The following GABRB1 variants were observed in gnomAD, a reference collection of about 807,000 sequenced individuals.
GABRB1 encodes gamma-aminobutyric acid type A receptor subunit beta1.
A neutral mutation model predicts 51.6 loss-of-function variants in GABRB1; 17 were observed. That is an observed-to-expected ratio of 0.33 (90% confidence interval 0.23 to 0.49). The LOEUF is 0.49. Among genes scored for constraint, GABRB1 ranks in the 20% least tolerant of loss-of-function variants. GABRB1 has a pLI of 0.99. For synonymous variants in GABRB1, 247 were observed against 218.9 expected, an observed-to-expected ratio of 1.13 and a Z score of -1.14; for missense variants, 410 against 600.6, an observed-to-expected ratio of 0.68 and a Z score of 3.32.
chr4:47,177,959 G>A (rs1718770522), intron 4 of GABRB1, among the ~76,000 whole-genome samples: 1 of 151,920 alleles, frequency 6.6e-6, no homozygotes, highest in African/African-American at 2.4e-5. Context: ...GGTTCCGAGT[G>A]TGAGGCTGAT....
At chr4:47,290,689 G>C (rs1372153872) in intron 4 of GABRB1, among the ~76,000 whole-genome samples, 1 of 152,094 alleles carries the variant, frequency 6.6e-6, no homozygotes, top group Non-Finnish European at 1.5e-5. Context: ...TACTTTTTGG[G>C]AACTGGATAA....
At chr4:47,302,417 A>G (rs1296768660) in intron 4 of GABRB1, among the ~76,000 whole-genome samples, 4 of 152,012 alleles carry the variant, frequency 2.6e-5, no homozygotes, top group African/African-American at 7.2e-5. Flanking sequence ...TAAGTTCGGC[A>G]TATTTCTGAA....
At chr4:47,113,468 A>G (rs904548692) in intron 3 of GABRB1, among the ~76,000 whole-genome samples, 1 of 152,210 alleles carries the variant, frequency 6.6e-6, no homozygotes, top group African/African-American at 2.4e-5. Flanking sequence ...ATACAGAACC[A>G]TATGTTAAAC....
intron 4 of GABRB1, among the ~76,000 whole-genome samples, chr4:47,209,598 A>G (rs1231624026): frequency 5.9e-5 from 9 of 152,038 alleles, no homozygotes; most frequent in Non-Finnish European, 1.0e-4. Context: ...GTCTCCCCTA[A>G]TAAGCTATGA....
At chr4:47,324,495 C>A (rs1725183126) in intron 5 of GABRB1, among the ~76,000 whole-genome samples, 1 of 152,164 alleles carries the variant, frequency 6.6e-6, no homozygotes, top group African/African-American at 2.4e-5. Context: ...TTCCTAATCT[C>A]TCTTTCTTTT....
intron 4 of GABRB1, among the ~76,000 whole-genome samples, chr4:47,208,963 G>C (rs1360346119): frequency 6.6e-6 from 1 of 151,858 alleles, no homozygotes; most frequent in African/African-American, 2.4e-5. Flanking sequence ...GAATTGACTT[G>C]ATATTAAAAT....
chr4:47,220,995 C>G (rs143022154), intron 4 of GABRB1, among the ~76,000 whole-genome samples: 1 of 151,980 alleles, frequency 6.6e-6, no homozygotes, highest in Non-Finnish European at 1.5e-5. Context: ...ACGTTACCAC[C>G]TTTGATGTAA....
In GABRB1 at chr4:47,350,202, T is replaced by TAGAGAG. The variant is rs1235374897; in HGVS notation, c.544+29994_544+29995insGAGAGA. ...CTCAGATTATATATATATATATATA[T>TAGAGAG]ATATATATATATATATAGAGAGAGA... On this transcript the variant is annotated intron_variant, in intron 5 of 8. Transcript: ENST00000295454. Among the ~76,000 whole-genome samples, 23 of 92,508 alleles carry TAGAGAG rather than the reference T, an allele frequency of 2.5e-4. No individual in the cohort carries two copies. In the South Asian group the frequency reaches 2.8e-3, roughly 11 times the overall value. 60.7% of individuals were successfully genotyped at this position (92,508 alleles called of 152,430 possible).
chr4:47,294,743 G>A (rs2109927832), intron 4 of GABRB1, among the ~76,000 whole-genome samples: 2 of 152,370 alleles, frequency 1.3e-5, no homozygotes, highest in Middle Eastern at 3.4e-3. Flanking sequence ...TGACAGCTTT[G>A]AAGGGAGCAG....
intron 3 of GABRB1, among the ~76,000 whole-genome samples, chr4:47,127,267 G>T (rs1008924376): frequency 1.3e-5 from 2 of 151,658 alleles, no homozygotes; most frequent in African/African-American, 4.8e-5. Flanking sequence ...AATTTATAAA[G>T]AACTGGAATT....
intron 1 of GABRB1, among the ~76,000 whole-genome samples, chr4:46,996,407 T>A (rs1209458909): frequency 6.6e-6 from 1 of 152,162 alleles, no homozygotes; most frequent in Non-Finnish European, 1.5e-5. Flanking sequence ...TATAATAAGA[T>A]GCAAATAATA....
intron 8 of GABRB1, among the ~76,000 whole-genome samples, chr4:47,420,342 A>C (rs1467796483): frequency 6.6e-6 from 1 of 152,120 alleles, no homozygotes; most frequent in East Asian, 1.9e-4. Flanking sequence ...CCTCCCTTAG[A>C]TTGTCTTCTG....
At chr4:47,076,972 C>T (rs1727583537) in intron 3 of GABRB1, among the ~76,000 whole-genome samples, 1 of 152,204 alleles carries the variant, frequency 6.6e-6, no homozygotes, top group Non-Finnish European at 1.5e-5. Context: ...AACAACCTCT[C>T]ATGTCATAGG....
At chr4:47,078,229 T>C (rs1374248128) in intron 3 of GABRB1, among the ~76,000 whole-genome samples, 1 of 151,664 alleles carries the variant, frequency 6.6e-6, no homozygotes, top group Non-Finnish European at 1.5e-5. Context: ...CCTCAGATGA[T>C]CTGCCTCAGC....
chr4:47,041,154 G>A (rs1045831097), intron 3 of GABRB1, among the ~76,000 whole-genome samples: 34 of 152,084 alleles, frequency 2.2e-4, no homozygotes, highest in African/African-American at 7.7e-4. Context: ...AACAGGCAGG[G>A]CAAATGAGGC....
intron 5 of GABRB1, among the ~76,000 whole-genome samples, chr4:47,370,003 A>G (rs1481436586): frequency 2.0e-5 from 3 of 152,184 alleles, no homozygotes; most frequent in East Asian, 1.9e-4. Context: ...TAAATTTTAT[A>G]TAAACATATA....
At chr4:47,261,445 G>T (rs2066167182) in intron 4 of GABRB1, among the ~76,000 whole-genome samples, 1 of 152,138 alleles carries the variant, frequency 6.6e-6, no homozygotes, top group Non-Finnish European at 1.5e-5. Flanking sequence ...ATTCACAATT[G>T]CTTCAAAGAG....
chr4:47,273,662 G>C lies in GABRB1; in HGVS notation c.462-46465G>C, dbSNP rs565559326. Among the ~76,000 whole-genome samples the C allele has an allele frequency of 5.9e-5, 9 of 152,052 alleles. No individual in the cohort carries two copies. In the South Asian group the frequency reaches 1.9e-3, roughly 32 times the overall value. On this transcript the variant is annotated intron_variant, in intron 4 of 8. Transcript: ENST00000295454. ...ATTAAATAATAATAACAATAAACAA[G>C]TTGTAGTCCCTGCCCTGCTGGAAAC...
At chr4:47,154,179 A>T (rs147835690) in intron 3 of GABRB1, among the ~76,000 whole-genome samples, 45 of 151,878 alleles carry the variant, frequency 3.0e-4, no homozygotes, top group African/African-American at 8.7e-4. Context: ...TTTGTGGTTG[A>T]TTACAATTAT....
Sources: allele counts gnomAD v4.1 joint callset (sites outside exome capture counted in the v4.1 genomes callset), GRCh38; gene constraint gnomAD v4.1.1; transcripts MANE v1.5; gene names NCBI Gene and HGNC (gene_info 2026-07-23, HGNC 2026-07-21).